KCNQ1: variants seen among roughly 807,000 people sequenced by gnomAD.
KCNQ1 encodes the protein potassium voltage-gated channel subfamily Q member 1.
Under a neutral mutation model 72.4 loss-of-function variants are expected in KCNQ1, and 49 were observed. The observed-to-expected ratio is 0.68, with a 90% CI of 0.54 to 0.86. The LOEUF (loss-of-function observed/expected upper bound fraction) is 0.86. KCNQ1 is among the 40% of genes least tolerant of loss of function. The pLI, the probability that KCNQ1 is intolerant of heterozygous loss-of-function variation, is 0.00. For synonymous variants in KCNQ1, 450 were observed against 412.6 expected, an observed-to-expected ratio of 1.09 and a Z score of -1.10; for missense variants, 790 against 945.1, an observed-to-expected ratio of 0.84 and a Z score of 2.15.
rs2133606977 is a variant in KCNQ1 at position 2,477,550 on chromosome 11, A to C, written c.386+32066A>C. Among the ~76,000 whole-genome samples, 1 of 152,234 alleles carries C rather than the reference A, an allele frequency of 6.6e-6. No individual in the cohort carries two copies. The highest frequency in any genetic ancestry group is 1.9e-4 in the East Asian group (1 of 5,170). ...ACAGACCAGTGATATGTACACAGAG[A>C]GCAATGAAAATCCTCATTATGATGG... On this transcript the variant is annotated intron_variant, in intron 1 of 15. Coordinates refer to ENST00000155840, the MANE Select transcript of KCNQ1 (RefSeq NM_000218.3). This position sits in a 1 kb window ranked among gnomAD's most constrained non-coding sequence, Gnocchi z 5.0.
At chr11:2,729,992 G>T (rs1845825528) in intron 11 of KCNQ1, among the ~76,000 whole-genome samples, 1 of 152,192 alleles carries the variant, frequency 6.6e-6, no homozygotes, top group Non-Finnish European at 1.5e-5. Context: ...CCTGAAGTGG[G>T]GATGGGCCCA....
chr11:2,801,693 C>G (rs1847268011), intron 15 of KCNQ1, among the ~76,000 whole-genome samples: 1 of 152,210 alleles, frequency 6.6e-6, no homozygotes, highest in African/African-American at 2.4e-5. Flanking sequence ...GGGCACAGTT[C>G]AGTTCATAAC....
rs368703752 is a variant in KCNQ1 at position 2,588,891 on chromosome 11, G to A, written c.1393+37G>A. The A allele has an allele frequency of 1.6e-5, 25 of 1,607,242 alleles. No individual in the cohort carries two copies. Among genetic ancestry groups the A allele is most frequent in the South Asian group, 3.3e-5 (3 of 90,560 alleles). On this transcript the variant is annotated intron_variant, in intron 10 of 15. Transcript: ENST00000155840. This position sits in a 1 kb window ranked among gnomAD's most constrained non-coding sequence, Gnocchi z 5.6. ...TCAGGCAGTTGGGGGCCGCGGGGCCGGGAAGGTCACTGCCTTTTTTGGGAG... is the reference window on the plus strand; with the variant it reads ...TCAGGCAGTTGGGGGCCGCGGGGCCAGGAAGGTCACTGCCTTTTTTGGGAG...
chr11:2,780,398 C>T (rs1846801597), intron 15 of KCNQ1, among the ~76,000 whole-genome samples: 1 of 152,224 alleles, frequency 6.6e-6, no homozygotes, highest in South Asian at 2.1e-4. Flanking sequence ...GCAGGAAATC[C>T]AGCAGCCGCC....
In KCNQ1 at chr11:2,563,304, C is replaced by T. The variant is rs1021856007; in HGVS notation, c.478-7324C>T. 1.3e-5 allele frequency among the ~76,000 whole-genome samples: 2 copies of T among 152,214 alleles called. No homozygotes were observed. Among genetic ancestry groups the T allele is most frequent in the Admixed American group, 6.5e-5 (1 of 15,284 alleles). ...ACCGGTTCCACGGCCGGTTGCAACA[C>T]GTTTGAGCCAAAGTGCGACCTTTCC... is the stretch of plus-strand genomic sequence containing the variant. On this transcript the variant is annotated intron_variant, in intron 2 of 15. Transcript: ENST00000155840. The surrounding 1 kb of genome is among the most constrained non-coding windows in gnomAD (Gnocchi z 7.4).
In KCNQ1 at chr11:2,445,356, C is replaced by A. The variant is rs753249958; in HGVS notation, c.258C>A (p.Ser86Arg). The A allele has an allele frequency of 1.3e-6, 2 of 1,596,812 alleles. No individual in the cohort carries two copies. Among genetic ancestry groups the A allele is most frequent in the Non-Finnish European group, 1.7e-6 (2 of 1,179,248 alleles). ...ACCTTGGCCCGCGGCCGCCGGTGAG[C>A]CTAGACCCGCGCGTCTCCATCTACA... ...ASDLGPRPPVSLDPRVSIYST... is the reference protein window; with the variant it reads ...ASDLGPRPPVRLDPRVSIYST... Residue 86 changes from serine (S) to arginine (R), a missense_variant, in exon 1 of 16, where the codon AGC becomes AGA. Transcript: ENST00000155840.
At chr11:2,700,244 A>T (rs902111690) in intron 11 of KCNQ1, among the ~76,000 whole-genome samples, 1 of 151,872 alleles carries the variant, frequency 6.6e-6, no homozygotes, top group Non-Finnish European at 1.5e-5. Context: ...AGGTGGCGCG[A>T]GCCGCCGCCC....
At chr11:2,656,644 AT>A (rs1286917886) in intron 10 of KCNQ1, 2 of 397,884 alleles carry the variant, frequency 5.0e-6, no homozygotes, top group African/African-American at 4.1e-5. Context: ...TTTCCTATTG[AT>A]TTGTAGGAGT....
chr11:2,558,284 G>C (rs1175948126), intron 2 of KCNQ1, among the ~76,000 whole-genome samples: 2 of 152,242 alleles, frequency 1.3e-5, no homozygotes, highest in African/African-American at 2.4e-5. Flanking sequence ...TCCCCCACGT[G>C]GATTGAAATT....
intron 15 of KCNQ1, among the ~76,000 whole-genome samples, chr11:2,805,569 G>A (rs1847354671): frequency 6.6e-6 from 1 of 152,198 alleles, no homozygotes; most frequent in African/African-American, 2.4e-5. Flanking sequence ...GCCCACCGGT[G>A]GACACATCGT....
At chr11:2,535,070 A>G (rs991677684) in intron 2 of KCNQ1, among the ~76,000 whole-genome samples, 3 of 152,228 alleles carry the variant, frequency 2.0e-5, no homozygotes, top group Non-Finnish European at 4.4e-5. Flanking sequence ...AGCTCTGCCC[A>G]GCCAGACTTC....
rs891404655 is a variant in KCNQ1, at chr11:2,484,732, G to T, written c.386+39248G>T. ...GTGTGCTCATCGCCACTGTGGACCT[G>T]CTGCTCTGCGCCCACTCGGCCGACG... is the stretch of plus-strand genomic sequence containing the variant. On this transcript the variant is annotated intron_variant, in intron 1 of 15. Coordinates refer to ENST00000155840, the MANE Select transcript of KCNQ1 (RefSeq NM_000218.3). This position sits in a 1 kb window ranked among gnomAD's most constrained non-coding sequence, Gnocchi z 5.2. Among the ~76,000 whole-genome samples, 1 of 152,188 alleles carries T rather than the reference G, an allele frequency of 6.6e-6. No homozygotes were observed. The highest frequency in any genetic ancestry group is 2.4e-5 in the African/African-American group (1 of 41,430).
rs966046337 is a variant in KCNQ1 at position 2,750,342 on chromosome 11, T to C, written c.1515-18502T>C. ...CTTGTGGCTGGCCTGGCCTAACCAG[T>C]TGGGGGAATCCATGGGAGGCTTTAG... On this transcript the variant is annotated intron_variant, in intron 11 of 15. Coordinates refer to ENST00000155840, the MANE Select transcript of KCNQ1 (RefSeq NM_000218.3). This position sits in a 1 kb window ranked among gnomAD's most constrained non-coding sequence, Gnocchi z 6.3. 2.6e-5 allele frequency among the ~76,000 whole-genome samples: 4 copies of C among 152,148 alleles called. No homozygotes were observed. In the South Asian group the frequency reaches 6.2e-4, roughly 24 times the overall value.
intron 1 of KCNQ1, among the ~76,000 whole-genome samples, chr11:2,517,976 A>G (rs1847316063): frequency 6.6e-6 from 1 of 152,268 alleles, no homozygotes; most frequent in Non-Finnish European, 1.5e-5. Flanking sequence ...ACAGAGTCTA[A>G]GGAGCCTAAC....
At position 2,704,759 on chromosome 11, in the gene KCNQ1, G is replaced by A. The variant is rs1850879287; in HGVS notation, c.1514+42678G>A. ...CTGGGCTCCCTCAGGCGGCAACTTT[G>A]TCTAGACTTCTGGCTGAGGACAGGG... On this transcript the variant is annotated intron_variant, in intron 11 of 15. Transcript: ENST00000155840. The surrounding 1 kb of genome is among the most constrained non-coding windows in gnomAD (Gnocchi z 4.3). 6.6e-6 allele frequency among the ~76,000 whole-genome samples: 1 copy of A among 152,116 alleles called. No homozygotes were observed. Among genetic ancestry groups the A allele is most frequent in the Non-Finnish European group, 1.5e-5 (1 of 68,004 alleles).
At position 2,766,678 on chromosome 11, in the gene KCNQ1, A is replaced by C. The variant is rs1002105486; in HGVS notation, c.1515-2166A>C. Among the ~76,000 whole-genome samples, 1 of 152,114 alleles carries C rather than the reference A, an allele frequency of 6.6e-6. No individual in the cohort carries two copies. Among genetic ancestry groups the C allele is most frequent in the Non-Finnish European group, 1.5e-5 (1 of 68,026 alleles). ...CTCACCCCCCTCCCGACGATACCTA[A>C]AATTCTCACCCAATTACATGTGGCA... is the stretch of plus-strand genomic sequence containing the variant. On this transcript the variant is annotated intron_variant, in intron 11 of 15. Transcript: ENST00000155840. The surrounding 1 kb of genome is among the most constrained non-coding windows in gnomAD (Gnocchi z 4.4).
In KCNQ1 at chr11:2,447,501, T is replaced by C. The variant is rs1466603219; in HGVS notation, c.386+2017T>C. On this transcript the variant is annotated intron_variant, in intron 1 of 15. Transcript: ENST00000155840. The surrounding 1 kb of genome is among the most constrained non-coding windows in gnomAD (Gnocchi z 7.6). ...ACCCTGACTGGGCAGGACATGTGGC[T>C]TGGTGGGGGCCTGGGAGATGCGCTC... Among the ~76,000 whole-genome samples the C allele has an allele frequency of 2.0e-5, 3 of 152,090 alleles. No homozygotes were observed. The highest frequency in any genetic ancestry group is 2.9e-5 in the Non-Finnish European group (2 of 68,006).
At chr11:2,777,071 G>GT in intron 14 of KCNQ1, 39 bp downstream of exon 14, 1 of 1,604,336 alleles carries the variant, frequency 6.2e-7, no homozygotes, top group Non-Finnish European at 8.5e-7. Flanking sequence ...CCAGCAGCCT[G>GT]CAATGGACTC....
rs1220089808 is a variant in KCNQ1, at chr11:2,457,584, G to A, written c.386+12100G>A. The stretch of plus-strand genomic sequence containing the variant: ...AGTGAGGGCTAAACATCAAATCCAT[G>A]TGGACATAATGATGAGAACAAGAGA... On this transcript the variant is annotated intron_variant, in intron 1 of 15. Coordinates refer to ENST00000155840, the MANE Select transcript of KCNQ1 (RefSeq NM_000218.3). This position sits in a 1 kb window ranked among gnomAD's most constrained non-coding sequence, Gnocchi z 5.0. 6.6e-6 allele frequency among the ~76,000 whole-genome samples: 1 copy of A among 152,010 alleles called. No individual in the cohort carries two copies. The highest frequency in any genetic ancestry group is 1.5e-5 in the Non-Finnish European group (1 of 68,040).
Sources: gnomAD v4.1 joint callset for allele counts (sites outside exome capture counted in the v4.1 genomes callset) on GRCh38, gnomAD v4.1.1 for gene constraint, Gnocchi (gnomAD v3.1) non-coding constraint, MANE v1.5 for transcripts, NCBI Gene and HGNC (gene_info 2026-07-23, HGNC 2026-07-21) for gene names.